Variants in ARPP21 observed in about 807,000 individuals in gnomAD.
ARPP21 encodes the protein cAMP-regulated phosphoprotein 21.
ARPP21 carries 69 observed loss-of-function variants against 113.2 expected under a neutral mutation model. The observed-to-expected ratio is 0.61, with a 90% CI of 0.50 to 0.74. The LOEUF is 0.74. ARPP21 is among the 30% of genes least tolerant of loss of function. The pLI, the probability that ARPP21 is intolerant of heterozygous loss-of-function variation, is 0.00. For synonymous variants in ARPP21, 368 were observed against 375.5 expected (o/e 0.98, Z 0.23); for missense variants, 1,070 against 1,037.4 (o/e 1.03, Z -0.43).
chr3:35,703,956 T>G (rs892873594), intron 9 of ARPP21, among the ~76,000 whole-genome samples: 2 of 151,894 alleles, frequency 1.3e-5, no homozygotes, highest in Non-Finnish European at 2.9e-5. Flanking sequence ...AATTTTTAGT[T>G]TAATCACTTG....
intron 19 of ARPP21, among the ~76,000 whole-genome samples, chr3:35,749,797 T>A (rs539861315): frequency 2.2e-4 from 33 of 152,244 alleles, no homozygotes; most frequent in African/African-American, 7.5e-4. Flanking sequence ...TAGTTTGTGA[T>A]CATTAAGGTC....
At chr3:35,684,759 G>C in intron 5 of ARPP21, 2 of 985,024 alleles carry the variant, frequency 2.0e-6, no homozygotes, top group Non-Finnish European at 2.4e-6. Context: ...TCTTTAAAAG[G>C]ACCAAAAATA....
At chr3:35,690,255 C>T in intron 8 of ARPP21, 115 bp downstream of exon 8, 1 of 652,736 alleles carries the variant, frequency 1.5e-6, no homozygotes, top group Admixed American at 2.3e-5. Context: ...TAATATGTTC[C>T]TTGATTTGTT....
chr3:35,706,879 A>G, intron 9 of ARPP21, 95 bp from the exon 10 acceptor site: 1 of 887,106 alleles, frequency 1.1e-6, no homozygotes, highest in Non-Finnish European at 1.7e-6. Flanking sequence ...TAAACTTTTA[A>G]GTTAAATGAC....
chr3:35,738,444 C>T (rs1001534105), intron 17 of ARPP21, 126 bp downstream of exon 17: 44 of 675,872 alleles, frequency 6.5e-5, no homozygotes, highest in African/African-American at 6.1e-4. Flanking sequence ...GGGGTATGTG[C>T]GAATGTCTCA....
At chr3:35,650,292 A>G (rs537895619) in intron 1 of ARPP21, 51 of 152,168 alleles carry the variant, frequency 3.4e-4, no homozygotes, top group Admixed American at 1.8e-3. Flanking sequence ...ACCATCACTC[A>G]TTTATTCATT....
chr3:35,739,716 T>C (rs559558153), intron 18 of ARPP21, 139 bp downstream of exon 18: 1 of 1,213,686 alleles, frequency 8.2e-7, no homozygotes, highest in East Asian at 2.6e-5. Context: ...CAACAGGAAG[T>C]AGTATATTTT....
At chr3:35,691,132 A>G (rs898529322) in intron 9 of ARPP21, 127 bp downstream of exon 9, 88 of 1,021,628 alleles carry the variant, frequency 8.6e-5, no homozygotes, top group Middle Eastern at 4.7e-4. Context: ...TCTTGCTCTT[A>G]TCAGAAGTAG....
At chr3:35,653,529 C>T (rs991933146) in intron 1 of ARPP21, among the ~76,000 whole-genome samples, 2 of 151,974 alleles carry the variant, frequency 1.3e-5, no homozygotes, top group African/African-American at 2.4e-5. Context: ...GTTTATGGCA[C>T]GAATGATGCC....
At chr3:35,765,621 G>A (rs184876624) in intron 19 of ARPP21, among the ~76,000 whole-genome samples, 215 of 152,220 alleles carry the variant, frequency 1.4e-3, no homozygotes, top group Non-Finnish European at 2.3e-3. Flanking sequence ...TGTAAATGAA[G>A]ACAGAGTGCT....
rs983147909 is a variant in ARPP21 at position 35,763,885 on chromosome 3, C to A, written c.2137+19920C>A. ...TGTAACTCAAATATTATTTTCAGGC[C>A]GGGCATGGTAGCTCATGCCTGTAAT... On this transcript the variant is annotated intron_variant, in intron 19 of 20. Transcript: ENST00000684406. 2.0e-5 allele frequency among the ~76,000 whole-genome samples: 3 copies of A among 151,906 alleles called. No homozygotes were observed. The East Asian group carries it at 5.8e-4, about 29-fold the overall frequency.
At chr3:35,717,813 A>G (rs2092617497) in intron 13 of ARPP21, among the ~76,000 whole-genome samples, 1 of 152,118 alleles carries the variant, frequency 6.6e-6, no homozygotes, top group Non-Finnish European at 1.5e-5. Context: ...TTCTGAAGAA[A>G]GATATGAGGT....
At chr3:35,713,240 CT>C (rs781778161) in intron 11 of ARPP21, among the ~76,000 whole-genome samples, 21 of 3,166 alleles carry the variant, frequency 6.6e-3, no homozygotes, top group East Asian at 0.028. Context: ...ATTAATACTA[CT>C]TTTTTTAAAA....
chr3:35,760,788 CT>C (rs2095745015), intron 19 of ARPP21, among the ~76,000 whole-genome samples: 1 of 151,962 alleles, frequency 6.6e-6, no homozygotes, highest in Non-Finnish European at 1.5e-5. Context: ...TTCATGGTTC[CT>C]AAATCATTGT....
At chr3:35,765,704 A>G (rs1201537380) in intron 19 of ARPP21, among the ~76,000 whole-genome samples, 1 of 152,192 alleles carries the variant, frequency 6.6e-6, no homozygotes, top group Non-Finnish European at 1.5e-5. Flanking sequence ...GAAAGATAGA[A>G]AAGACAAAAA....
chr3:35,725,911 C>T (rs1326808130), intron 14 of ARPP21, among the ~76,000 whole-genome samples: 1 of 152,132 alleles, frequency 6.6e-6, no homozygotes, highest in Non-Finnish European at 1.5e-5. Context: ...GGGCCCTGGC[C>T]CCCGTCTGTG....
intron 14 of ARPP21, among the ~76,000 whole-genome samples, chr3:35,723,816 T>A (rs1221291569): frequency 1.3e-5 from 2 of 152,176 alleles, no homozygotes. Context: ...TTTCTTTTAA[T>A]CTAAGTGTCT....
chr3:35,703,836 C>T (rs1231347905), intron 9 of ARPP21, among the ~76,000 whole-genome samples: 1 of 151,752 alleles, frequency 6.6e-6, no homozygotes, highest in East Asian at 1.9e-4. Flanking sequence ...TATTTTAGTT[C>T]TATTCATTTT....
intron 19 of ARPP21, among the ~76,000 whole-genome samples, chr3:35,782,428 G>T (rs886906357): frequency 6.6e-6 from 1 of 152,044 alleles, no homozygotes; most frequent in Non-Finnish European, 1.5e-5. Flanking sequence ...AAGTTATCTT[G>T]GGTAGCTTCT....
Sources: allele counts gnomAD v4.1 joint callset (sites outside exome capture counted in the v4.1 genomes callset), GRCh38; gene constraint gnomAD v4.1.1; transcripts MANE v1.5; gene names NCBI Gene and HGNC (gene_info 2026-07-23, HGNC 2026-07-21).